MID1: variants seen among roughly 807,000 people sequenced by gnomAD.
MID1 encodes midline 1, also known as E3 ubiquitin-protein ligase Midline-1.
Under a neutral mutation model 40.4 loss-of-function variants are expected in MID1, and 7 were observed. That is an observed-to-expected ratio of 0.17 (90% CI 0.10 to 0.33). The LOEUF is 0.33. Among genes scored for constraint, MID1 ranks in the 10% least tolerant of loss-of-function variants. The pLI is 1.00. For synonymous variants in MID1, 229 were observed against 221.2 expected, an observed-to-expected ratio of 1.04 and a Z score of -0.31; for missense variants, 367 against 558.5, an observed-to-expected ratio of 0.66 and a Z score of 3.46.
At chrX:10,552,038 C>A in intron 2 of MID1, among the ~76,000 whole-genome samples, 1 of 110,802 alleles carries the variant, frequency 9.0e-6, no homozygotes, top group Middle Eastern at 4.6e-3. Context: ...GATTCTCCTG[C>A]CTCAGCCTCC....
intron 1 of MID1, among the ~76,000 whole-genome samples, chrX:10,773,469 C>T (rs915647389): frequency 5.4e-5 from 6 of 111,958 alleles, no homozygotes; most frequent in Admixed American, 1.9e-4. Flanking sequence ...GTTAATGCAG[C>T]GCCTGTTTGG....
chrX:10,672,889 C>T (rs964929188), intron 1 of MID1, among the ~76,000 whole-genome samples: 11 of 110,412 alleles, frequency 1.0e-4, no homozygotes, highest in African/African-American at 3.6e-4. Context: ...TTTCTCTATG[C>T]TTCCCAAGCT....
intron 2 of MID1, among the ~76,000 whole-genome samples, chrX:10,550,615 C>A (rs1933869627): frequency 8.9e-6 from 1 of 112,137 alleles, no homozygotes; most frequent in Non-Finnish European, 1.9e-5. Context: ...AGGGGTCACA[C>A]AAACAAGTAA....
At chrX:10,690,405 G>A (rs746293707) in intron 1 of MID1, among the ~76,000 whole-genome samples, 3 of 112,147 alleles carry the variant, frequency 2.7e-5, no homozygotes, top group Non-Finnish European at 5.6e-5. Context: ...GAAGAGAATC[G>A]TAAGAAGAGA....
At chrX:10,469,522 G>A in intron 7 of MID1, 175 bp downstream of exon 7, 1 of 1,178,798 alleles carries the variant, frequency 8.5e-7, no homozygotes, top group Non-Finnish European at 1.1e-6. Context: ...TTAGCCAGCT[G>A]TTTTTACTAA....
At chrX:10,492,931 G>A (rs1931028441) in intron 4 of MID1, among the ~76,000 whole-genome samples, 1 of 112,086 alleles carries the variant, frequency 8.9e-6, no homozygotes, top group Non-Finnish European at 1.9e-5. Flanking sequence ...GGAACTTGGG[G>A]ACACCTGCAC....
intron 3 of MID1, among the ~76,000 whole-genome samples, chrX:10,519,741 A>G (rs760835065): frequency 3.8e-4 from 43 of 111,818 alleles, no homozygotes; most frequent in Non-Finnish European, 6.4e-4. Context: ...GCTGGAGTAG[A>G]TGGCTTAGGT....
intron 1 of MID1, among the ~76,000 whole-genome samples, chrX:10,777,786 G>A (rs1280480339): frequency 9.0e-6 from 1 of 111,532 alleles, no homozygotes; most frequent in African/African-American, 3.3e-5. Context: ...TGATCTACCC[G>A]CCTCAGCTTC....
At chrX:10,777,901 G>A (rs973314733) in intron 1 of MID1, among the ~76,000 whole-genome samples, 5 of 111,326 alleles carry the variant, frequency 4.5e-5, no homozygotes, top group African/African-American at 6.5e-5. Context: ...CAATATCACC[G>A]TCTTACACCT....
intron 1 of MID1, among the ~76,000 whole-genome samples, chrX:10,584,009 C>T (rs887455829): frequency 5.6e-5 from 6 of 107,529 alleles, no homozygotes; most frequent in South Asian, 4.2e-4. Context: ...CCAGCCTGGG[C>T]GACAGACTGA....
At chrX:10,632,449 C>T (rs1189069366) in intron 1 of MID1, among the ~76,000 whole-genome samples, 1 of 111,452 alleles carries the variant, frequency 9.0e-6, no homozygotes, top group Non-Finnish European at 1.9e-5. Flanking sequence ...TTTAATTGAC[C>T]TGGGCTGGGC....
chrX:10,722,214 T>C (rs2043360887), intron 1 of MID1, among the ~76,000 whole-genome samples: 1 of 112,038 alleles, frequency 8.9e-6, no homozygotes, highest in Admixed American at 9.5e-5. Flanking sequence ...TAACATTTTC[T>C]TTTTCTGTGT....
At chrX:10,704,368 A>C (rs1473307693) in intron 1 of MID1, among the ~76,000 whole-genome samples, 3 of 110,995 alleles carry the variant, frequency 2.7e-5, no homozygotes, top group Non-Finnish European at 5.6e-5. Flanking sequence ...CAGTTTAAAG[A>C]GAGCTCAGGG....
chrX:10,528,697 T>C lies in MID1; in HGVS notation c.661-5510A>G, dbSNP rs147925143. On this transcript the variant is annotated intron_variant, in intron 2 of 9. Coordinates refer to ENST00000317552, the MANE Select transcript of MID1 (RefSeq NM_000381.4). ...AAGGTAAAACTCAAAATGATAATAT[T>C]GTCTGGGCCACTGATAAACATCTGC... Among the ~76,000 whole-genome samples the C allele has an allele frequency of 5.1e-3, 571 of 111,870 alleles. 6 individuals carry two copies. The highest frequency in any genetic ancestry group is 0.018 in the African/African-American group (550 of 30,845).
chrX:10,620,900 C>G (rs1036800723), upstream of MID1, among the ~76,000 whole-genome samples: 2 of 112,010 alleles, frequency 1.8e-5, no homozygotes, highest in African/African-American at 6.5e-5. Context: ...AAGTTCAACA[C>G]TCAGGACCCA....
chrX:10,750,539 G>A (rs1360152673), intron 1 of MID1, among the ~76,000 whole-genome samples: 2 of 110,870 alleles, frequency 1.8e-5, no homozygotes, highest in East Asian at 2.8e-4. Context: ...GCTGAGGCAC[G>A]AGAATTGCTG....
At chrX:10,819,222 TGAGA>T (rs367912071) in intron 1 of MID1, among the ~76,000 whole-genome samples, 1,060 of 101,825 alleles carry the variant, frequency 0.01, 9 homozygotes, top group African/African-American at 0.028. Context: ...ACAGAGACAG[TGAGA>T]GAGAGAGAGA....
intron 1 of MID1, among the ~76,000 whole-genome samples, chrX:10,725,642 T>TC (rs1420202945): frequency 9.0e-6 from 1 of 111,503 alleles, no homozygotes; most frequent in Non-Finnish European, 1.9e-5. Flanking sequence ...GTGGATCACT[T>TC]GAGGTTAGGA....
intron 4 of MID1, among the ~76,000 whole-genome samples, chrX:10,484,076 A>T (rs1349029440): frequency 1.8e-5 from 2 of 112,452 alleles, no homozygotes; most frequent in Non-Finnish European, 1.9e-5. Context: ...TTTTACACCA[A>T]ATAGAATTTA....
Sources: allele counts gnomAD v4.1 joint callset (sites outside exome capture counted in the v4.1 genomes callset), GRCh38; gene constraint gnomAD v4.1.1; transcripts MANE v1.5; gene names NCBI Gene and HGNC (gene_info 2026-07-23, HGNC 2026-07-21).